Variants in DEFB134 observed in about 807,000 individuals in gnomAD.
DEFB134 encodes beta-defensin 134.
In DEFB134, 7 loss-of-function variants were observed where a neutral mutation model predicts 7.4. The observed-to-expected ratio is 0.95, with a 90% CI of 0.54 to 1.79. The LOEUF (loss-of-function observed/expected upper bound fraction) is 1.79, where lower values mean the gene tolerates loss of function less well. Among genes scored for constraint, DEFB134 ranks in the 40% most tolerant of loss-of-function variants. The pLI, the probability that DEFB134 is intolerant of heterozygous loss-of-function variation, is 0.00. For missense variants in DEFB134, 105 were observed against 74.8 expected, an observed-to-expected ratio of 1.40 and a Z score of -1.49; for synonymous variants, 33 against 25.0, an observed-to-expected ratio of 1.32 and a Z score of -0.96.
upstream of DEFB134, among the ~76,000 whole-genome samples, chr8:11,998,703 T>A (rs990759590): frequency 1.3e-5 from 2 of 151,968 alleles, no homozygotes; most frequent in Non-Finnish European, 2.9e-5. Context: ...AGAGCTGAAC[T>A]GAATGAAATA....
exon 2 of DEFB134, chr8:11,994,053 T>G: frequency 6.2e-7 from 1 of 1,613,970 alleles, no homozygotes; most frequent in East Asian, 2.2e-5. Context: ...TTCACTCTCA[T>G]AGCATTCAAG....
At chr8:11,998,352 G>A (rs561275947), upstream of DEFB134, among the ~76,000 whole-genome samples, 2 of 152,116 alleles carry the variant, frequency 1.3e-5, no homozygotes, top group African/African-American at 4.8e-5. Flanking sequence ...TTGGGAGGTC[G>A]AGGTGGGAGA....
intron 1 of DEFB134, among the ~76,000 whole-genome samples, chr8:11,995,839 A>G (rs1800104261): frequency 6.6e-6 from 1 of 152,168 alleles, no homozygotes; most frequent in Non-Finnish European, 1.5e-5. Flanking sequence ...GGTACTTTTC[A>G]TATTATGTAT....
chr8:11,999,162 CT>C (rs1800204595), upstream of DEFB134: 1 of 177,364 alleles, frequency 5.6e-6, no homozygotes, highest in South Asian at 1.5e-4. Flanking sequence ...CAAGGGGTGC[CT>C]GGTCATATCA....
chr8:11,994,225 G>T, intron 1 of DEFB134, 103 bp from the exon 3 acceptor site: 2 of 1,379,226 alleles, frequency 1.5e-6, no homozygotes, highest in Non-Finnish European at 2.0e-6. Flanking sequence ...AGGAGATTTG[G>T]TTATGATAAT....
chr8:11,996,119 ATGTTTATTGGGT>A, intron 1 of DEFB134, 63 bp downstream of exon 2: 1 of 1,551,632 alleles, frequency 6.4e-7, no homozygotes, highest in Non-Finnish European at 8.9e-7. Flanking sequence ...TGGGTGGTGT[ATGTTTATTGGGT>A]TGTTTAGTGG....
At chr8:11,994,646 T>C (rs1245289787) in intron 1 of DEFB134, among the ~76,000 whole-genome samples, 1 of 152,236 alleles carries the variant, frequency 6.6e-6, no homozygotes, top group Non-Finnish European at 1.5e-5. Context: ...TTCCCTGAAT[T>C]TGTCAATGAA....
At chr8:11,996,052 C>G in intron 1 of DEFB134, 142 bp downstream of exon 2, 1 of 959,186 alleles carries the variant, frequency 1.0e-6, no homozygotes, top group Non-Finnish European at 1.6e-6. Flanking sequence ...AAGCCCAGGT[C>G]TTGCTGACAT....
chr8:11,994,456 A>C (rs1322616393), intron 1 of DEFB134, among the ~76,000 whole-genome samples: 1 of 152,232 alleles, frequency 6.6e-6, no homozygotes, highest in Non-Finnish European at 1.5e-5. Context: ...GGTCACGGCA[A>C]AAAGATGGCC....
At chr8:12,000,546 T>C (rs1800243181), upstream of DEFB134, among the ~76,000 whole-genome samples, 1 of 152,232 alleles carries the variant, frequency 6.6e-6, no homozygotes, top group South Asian at 2.1e-4. Context: ...CAGTGCTTTT[T>C]TTCTATACAT....
chr8:11,993,837 G>A, exon 2 of DEFB134: 1 of 1,103,176 alleles, frequency 9.1e-7, no homozygotes, highest in Non-Finnish European at 1.2e-6. Context: ...AAGACCACAA[G>A]AGTCTGCTGG....
upstream of DEFB134, among the ~76,000 whole-genome samples, chr8:11,998,728 T>TAA (rs1383391552): frequency 6.6e-6 from 1 of 151,622 alleles, no homozygotes; most frequent in Non-Finnish European, 1.5e-5. Context: ...CATGAACCCA[T>TAA]ACAAAAGATT....
chr8:11,996,267 T>A, exon 1 of DEFB134: 1 of 1,613,360 alleles, frequency 6.2e-7, no homozygotes, highest in Non-Finnish European at 8.5e-7. Context: ...GGAACTTCTG[T>A]TAAGGAGGCT....
chr8:11,998,265 A>G (rs1030141756), upstream of DEFB134, among the ~76,000 whole-genome samples: 3 of 151,890 alleles, frequency 2.0e-5, no homozygotes, highest in African/African-American at 7.3e-5. Context: ...CTTGTGCAAC[A>G]TGGTGGGACC....
chr8:11,993,699 A>T, exon 2 of DEFB134: 1 of 308,936 alleles, frequency 3.2e-6, no homozygotes, highest in Non-Finnish European at 5.9e-6. Flanking sequence ...ATCCTCTATG[A>T]TTAGAGGGAG....
chr8:11,997,000 T>C (rs867018219), upstream of DEFB134, among the ~76,000 whole-genome samples: 24 of 152,206 alleles, frequency 1.6e-4, no homozygotes, highest in Admixed American at 3.3e-4. Context: ...TGTGAGACCA[T>C]TGTCACATTC....
At chr8:11,996,521 T>C (rs1014030890), upstream of DEFB134, among the ~76,000 whole-genome samples, 12 of 152,192 alleles carry the variant, frequency 7.9e-5, no homozygotes, top group Non-Finnish European at 1.8e-4. Context: ...CAAAAGTACA[T>C]GGAGGCCTGA....
chr8:12,000,189 A>C (rs1800234097), upstream of DEFB134, among the ~76,000 whole-genome samples: 1 of 152,228 alleles, frequency 6.6e-6, no homozygotes, highest in African/African-American at 2.4e-5. Flanking sequence ...TCCTCTGTGA[A>C]GAGATGGTCC....
chr8:11,994,121 A>G (rs1253286901), exon 2 of DEFB134: 1 of 1,609,532 alleles, frequency 6.2e-7, no homozygotes, highest in African/African-American at 1.3e-5. Context: ...ATGAATTTAT[A>G]CCTGGAAGGA....
Sources: gnomAD v4.1 joint callset for allele counts (sites outside exome capture counted in the v4.1 genomes callset) on GRCh38, gnomAD v4.1.1 for gene constraint, MANE v1.5 for transcripts, NCBI Gene and HGNC (gene_info 2026-07-23, HGNC 2026-07-21) for gene names.